ARHGAP17: variants seen among roughly 807,000 people sequenced by gnomAD.
ARHGAP17 encodes Rho GTPase activating protein 17.
A neutral mutation model predicts 99.5 loss-of-function variants in ARHGAP17; 57 were observed. The observed-to-expected ratio is 0.57, with a 90% CI of 0.46 to 0.71. The LOEUF (loss-of-function observed/expected upper bound fraction) is 0.71, where lower values mean the gene tolerates loss of function less well. Among genes scored for constraint, ARHGAP17 ranks in the 30% least tolerant of loss-of-function variants. The probability of loss-of-function intolerance (pLI) is 0.00; values close to 1 mark genes in which losing one functional copy is unlikely to be tolerated. For missense variants in ARHGAP17, 1,000 were observed against 1,122.4 expected, an observed-to-expected ratio of 0.89 and a Z score of 1.56; for synonymous variants, 417 against 429.6, an observed-to-expected ratio of 0.97 and a Z score of 0.36.
intron 1 of ARHGAP17, among the ~76,000 whole-genome samples, chr16:24,980,080 G>A (rs931907127): frequency 1.3e-5 from 2 of 152,176 alleles, no homozygotes; most frequent in Non-Finnish European, 1.5e-5. Flanking sequence ...GTCAGGGGAA[G>A]GCTGTCAATG....
intron 1 of ARHGAP17, among the ~76,000 whole-genome samples, chr16:25,000,666 T>C (rs1400194198): frequency 2.0e-5 from 3 of 152,240 alleles, no homozygotes; most frequent in Non-Finnish European, 4.4e-5. Flanking sequence ...TTCAGTCTAC[T>C]GCCTTGTGAC....
intron 1 of ARHGAP17, 22 bp from the exon 2 acceptor site, chr16:24,979,027 CAG>C (rs776067308): frequency 1.3e-6 from 2 of 1,557,198 alleles, no homozygotes; most frequent in Admixed American, 3.9e-5. Flanking sequence ...ATTAAAAATT[CAG>C]AGTTAGAAAT....
Position 24,959,945 on chromosome 16 carries a change from G to A in ARHGAP17, c.608C>T (p.Ala203Val). 6.2e-7 allele frequency: 1 copy of A among 1,613,964 alleles called. No individual in the cohort carries two copies. Among genetic ancestry groups the A allele is most frequent in the Non-Finnish European group, 8.5e-7 (1 of 1,179,858 alleles). Residue 203 changes from alanine to valine, a missense_variant, in exon 8 of 20, where the codon GCC becomes GTC. Physicochemically the swap from Ala to Val is moderately conservative, Grantham distance 64 (BLOSUM62 0). Around this residue, in one of 2 missense-constraint regions of ARHGAP17, gnomAD observed 472 missense variants for 611.1 expected, o/e 0.77. Transcript: ENST00000289968. Reference protein sequence around the residue: ...QLAADMYNFMAKEGEYGKFFV... With the variant: ...QLAADMYNFMVKEGEYGKFFV... ...GAATTTGCCATACTCCCCTTCTTTGGCCATAAAGTTGTACATGTCTGCTGC... is the reference window on the plus strand; with the variant it reads ...GAATTTGCCATACTCCCCTTCTTTGACCATAAAGTTGTACATGTCTGCTGC...
intron 1 of ARHGAP17, among the ~76,000 whole-genome samples, chr16:24,983,798 C>G (rs1183028131): frequency 6.6e-6 from 1 of 152,144 alleles, no homozygotes; most frequent in South Asian, 2.1e-4. Flanking sequence ...TTTGTTTTTT[C>G]CTATGAAGCT....
chr16:25,010,082 CTT>C (rs1194435119), intron 1 of ARHGAP17, among the ~76,000 whole-genome samples: 2 of 145,308 alleles, frequency 1.4e-5, no homozygotes. Context: ...TCTTTTTTTT[CTT>C]TTTTTTTTTG....
intron 19 of ARHGAP17, among the ~76,000 whole-genome samples, chr16:24,926,803 A>G (rs1006338603): frequency 1.3e-5 from 2 of 152,188 alleles, no homozygotes; most frequent in African/African-American, 4.8e-5. Flanking sequence ...GAAAGAAGTG[A>G]GATTCAAAAA....
At chr16:25,011,559 G>A (rs962496857) in intron 1 of ARHGAP17, among the ~76,000 whole-genome samples, 3 of 152,102 alleles carry the variant, frequency 2.0e-5, no homozygotes, top group Non-Finnish European at 4.4e-5. Context: ...ACAAAAATCA[G>A]TCGGGCATGG....
intron 17 of ARHGAP17, among the ~76,000 whole-genome samples, chr16:24,937,921 A>G (rs768999791): frequency 6.6e-6 from 1 of 152,224 alleles, no homozygotes; most frequent in African/African-American, 2.4e-5. Context: ...CCAATGCAGA[A>G]CATATGACAA....
intron 15 of ARHGAP17, 84 bp from the exon 16 acceptor site, chr16:24,942,227 A>T: frequency 7.3e-7 from 1 of 1,378,050 alleles, no homozygotes; most frequent in Non-Finnish European, 9.9e-7. Context: ...TTGGAACGGG[A>T]ACCTCGTTCT....
At chr16:25,011,859 T>C (rs187074552) in intron 1 of ARHGAP17, among the ~76,000 whole-genome samples, 10 of 152,222 alleles carry the variant, frequency 6.6e-5, no homozygotes, top group Admixed American at 3.9e-4. Context: ...ACAAGAGATA[T>C]TTGAAATAAG....
chr16:24,947,278 T>C (rs1188316019), intron 14 of ARHGAP17, among the ~76,000 whole-genome samples: 1 of 152,212 alleles, frequency 6.6e-6, no homozygotes, highest in Admixed American at 6.5e-5. Flanking sequence ...ACTGGGACAA[T>C]GTCTCACACA....
At chr16:25,006,691 G>A (rs1314400502) in intron 1 of ARHGAP17, among the ~76,000 whole-genome samples, 1 of 152,190 alleles carries the variant, frequency 6.6e-6, no homozygotes, top group Non-Finnish European at 1.5e-5. Flanking sequence ...TGTAGTGAGT[G>A]GCTGTGTTCC....
chr16:24,966,066 C>T (rs550040326), intron 6 of ARHGAP17, among the ~76,000 whole-genome samples: 1 of 152,330 alleles, frequency 6.6e-6, no homozygotes, highest in East Asian at 1.9e-4. Context: ...GTCAGATAAA[C>T]ATCTATAATA....
rs78950333 is a variant in ARHGAP17, at chr16:25,005,841, C to T, written c.53+9368G>A. 2.6e-3 allele frequency among the ~76,000 whole-genome samples: 400 copies of T among 152,314 alleles called. 2 individuals carry two copies. Among genetic ancestry groups the T allele is most frequent in the African/African-American group, 9.3e-3 (388 of 41,560 alleles). On this transcript the variant is annotated intron_variant, in intron 1 of 19. Coordinates refer to ENST00000289968, the MANE Select transcript of ARHGAP17 (RefSeq NM_001006634.3). The stretch of plus-strand genomic sequence containing the variant: ...TAAGGTGATGGTGAAATGTGATATT[C>T]ATCATGTCATGCATAATGACACACA...
chr16:24,987,367 C>CAG (rs2052902833), intron 1 of ARHGAP17, among the ~76,000 whole-genome samples: 1 of 152,188 alleles, frequency 6.6e-6, no homozygotes. Context: ...GCCCACAGAC[C>CAG]AGAGTTTGCT....
At chr16:25,008,244 A>G (rs1756847057) in intron 1 of ARHGAP17, among the ~76,000 whole-genome samples, 1 of 152,224 alleles carries the variant, frequency 6.6e-6, no homozygotes, top group South Asian at 2.1e-4. Context: ...CTGAACTGAT[A>G]TTAAACTATG....
At chr16:24,981,913 C>G (rs998199998) in intron 1 of ARHGAP17, among the ~76,000 whole-genome samples, 2 of 152,032 alleles carry the variant, frequency 1.3e-5, no homozygotes, top group Non-Finnish European at 2.9e-5. Context: ...TTCAAATTAA[C>G]TGGACCCTCT....
chr16:24,980,140 C>T (rs888973000), intron 1 of ARHGAP17, among the ~76,000 whole-genome samples: 1 of 152,218 alleles, frequency 6.6e-6, no homozygotes, highest in Non-Finnish European at 1.5e-5. Context: ...GGAACCAATG[C>T]AAGAGCAGGA....
chr16:24,939,835 C>T (rs1053957068), intron 16 of ARHGAP17: 2 of 560,438 alleles, frequency 3.6e-6, no homozygotes, highest in Admixed American at 6.4e-5. Flanking sequence ...TGGGTGTGAG[C>T]AGCTAAAAGC....
Sources: allele counts gnomAD v4.1 joint callset (sites outside exome capture counted in the v4.1 genomes callset), GRCh38; gene constraint gnomAD v4.1.1; regional missense constraint gnomAD v4.1.1; transcripts MANE v1.5; gene names NCBI Gene and HGNC (gene_info 2026-07-23, HGNC 2026-07-21).